The following GRM8 variants were observed in gnomAD, a reference collection of about 807,000 sequenced individuals.
GRM8 encodes the protein glutamate metabotropic receptor 8, also known as metabotropic glutamate receptor 8.
A neutral mutation model predicts 87.2 loss-of-function variants in GRM8; 47 were observed. The ratio of observed to expected loss-of-function variants is 0.54; its 90% confidence interval spans 0.43 to 0.69. GRM8 has a LOEUF of 0.69. GRM8 is among the 30% of genes least tolerant of loss of function. The pLI is 0.00. For synonymous variants in GRM8, 396 were observed against 404.5 expected (o/e 0.98, Z 0.25); for missense variants, 1,019 against 1,139.2 (o/e 0.89, Z 1.52).
At chr7:126,582,724 G>T (rs962023947) in intron 8 of GRM8, among the ~76,000 whole-genome samples, 2 of 152,082 alleles carry the variant, frequency 1.3e-5, no homozygotes, top group African/African-American at 4.8e-5. Flanking sequence ...GAAAAACCTA[G>T]GGCCCTTTAG....
At chr7:126,798,518 A>C (rs549795044) in intron 6 of GRM8, among the ~76,000 whole-genome samples, 1 of 152,142 alleles carries the variant, frequency 6.6e-6, no homozygotes, top group Non-Finnish European at 1.5e-5. Context: ...CATATCTGAG[A>C]TAATGACAGG....
Position 126,685,750 on chromosome 7 carries a change from G to A in GRM8, c.1358-76252C>T, listed in dbSNP as rs760576799. Among the ~76,000 whole-genome samples, 8 of 152,076 alleles carry A rather than the reference G, an allele frequency of 5.3e-5. No individual in the cohort carries two copies. The highest frequency in any genetic ancestry group is 4.1e-4 in the South Asian group (2 of 4,826). ...GACAGCGGGGTACTGGCCTGCAGGC[G>A]CCCCTTGGCATGAACGGTCTGGGTG... On this transcript the variant is annotated intron_variant, in intron 7 of 10. Transcript: ENST00000339582. The surrounding 1 kb of genome is among the most constrained non-coding windows in gnomAD (Gnocchi z 4.2).
At chr7:126,965,601 T>A (rs576343928) in intron 3 of GRM8, among the ~76,000 whole-genome samples, 1 of 152,238 alleles carries the variant, frequency 6.6e-6, no homozygotes, top group African/African-American at 2.4e-5. Context: ...ACCTGAAATA[T>A]CACTTTAATA....
chr7:126,533,857 G>C lies in GRM8; in HGVS notation c.1525C>G (p.His509Asp). 1.2e-6 allele frequency: 2 copies of C among 1,613,802 alleles called. No individual in the cohort carries two copies. The highest frequency in any genetic ancestry group is 1.7e-6 in the Non-Finnish European group (2 of 1,179,782). Reference sequence around the variant, plus strand: ...CTGCAGACAGACGCCGGGTGAGTATGTTCTCTATGAGCCCACTGCATGTCT... The same window carrying C: ...CTGCAGACAGACGCCGGGTGAGTATCTTCTCTATGAGCCCACTGCATGTCT... Reference protein sequence around the residue: ...VEDMQWAHREHTHPASVCSLP... With the variant: ...VEDMQWAHREDTHPASVCSLP... Residue 509 changes from histidine to aspartate, a missense_variant, in exon 9 of 11, where the codon CAT becomes GAT. Transcript: ENST00000339582.
At chr7:127,040,561 C>T (rs553055596) in intron 3 of GRM8, among the ~76,000 whole-genome samples, 1 of 149,474 alleles carries the variant, frequency 6.7e-6, no homozygotes, top group South Asian at 2.2e-4. Context: ...ATTATAGCTA[C>T]ATAAAAGATA....
intron 7 of GRM8, among the ~76,000 whole-genome samples, chr7:126,643,319 A>AAATATATATAT (rs1802666066): frequency 2.8e-5 from 1 of 36,204 alleles, no homozygotes; most frequent in African/African-American, 1.3e-4. Context: ...AAAAAAAAAA[A>AAATATATATAT]ATATATATAT....
intron 7 of GRM8, among the ~76,000 whole-genome samples, chr7:126,662,243 C>A (rs1805255509): frequency 6.6e-6 from 1 of 152,032 alleles, no homozygotes; most frequent in African/African-American, 2.4e-5. Flanking sequence ...ATGATAAAAA[C>A]TGCAATTTTT....
chr7:126,937,188 C>A (rs1396479675), intron 3 of GRM8, among the ~76,000 whole-genome samples: 1 of 152,172 alleles, frequency 6.6e-6, no homozygotes, highest in Non-Finnish European at 1.5e-5. Flanking sequence ...TCAGGTAGGG[C>A]AGGCCTGGAT....
intron 9 of GRM8, among the ~76,000 whole-genome samples, chr7:126,491,443 T>G (rs1808001114): frequency 1.3e-5 from 2 of 152,122 alleles, no homozygotes; most frequent in African/African-American, 4.8e-5. Flanking sequence ...ATAAAAACTT[T>G]ATGTGCTTTT....
At chr7:126,530,792 A>G (rs1814683056) in intron 9 of GRM8, among the ~76,000 whole-genome samples, 2 of 152,188 alleles carry the variant, frequency 1.3e-5, no homozygotes, top group South Asian at 4.1e-4. Context: ...TGAAAACTTA[A>G]ACATTCTCAA....
chr7:126,527,701 C>A (rs1814079361), intron 9 of GRM8, among the ~76,000 whole-genome samples: 1 of 152,158 alleles, frequency 6.6e-6, no homozygotes, highest in Non-Finnish European at 1.5e-5. Context: ...TATTCACATT[C>A]CAAATTATAA....
chr7:126,572,660 T>G (rs891938565), intron 8 of GRM8, among the ~76,000 whole-genome samples: 1 of 152,236 alleles, frequency 6.6e-6, no homozygotes. Context: ...GGTAACTTCC[T>G]TCCTTTGCAC....
intron 6 of GRM8, among the ~76,000 whole-genome samples, chr7:126,885,889 T>G (rs550266692): frequency 2.4e-4 from 37 of 152,202 alleles, no homozygotes; most frequent in Non-Finnish European, 4.9e-4. Context: ...CAAAGGCCAG[T>G]TTTTTTCCCC....
chr7:126,811,299 T>C (rs1160294925), intron 6 of GRM8, among the ~76,000 whole-genome samples: 1 of 152,058 alleles, frequency 6.6e-6, no homozygotes, highest in Non-Finnish European at 1.5e-5. Context: ...ATTCAGGTAA[T>C]GTGATACCTC....
intron 7 of GRM8, among the ~76,000 whole-genome samples, chr7:126,768,798 C>T (rs1818493256): frequency 6.6e-6 from 1 of 151,892 alleles, no homozygotes; most frequent in South Asian, 2.1e-4. Context: ...TATTTTCAAA[C>T]TCCTGTTAGT....
At position 126,615,835 on chromosome 7, in the gene GRM8, T is replaced by C. The variant is rs537852513; in HGVS notation, c.1358-6337A>G. Among the ~76,000 whole-genome samples, 43 of 152,298 alleles carry C rather than the reference T, an allele frequency of 2.8e-4. 2 individuals carry two copies. The East Asian group carries it at 6.4e-3, about 23-fold the overall frequency. On this transcript the variant is annotated intron_variant, in intron 7 of 10. Coordinates refer to ENST00000339582, the MANE Select transcript of GRM8 (RefSeq NM_000845.3). ...AACAAGAAGAGCTAACTATCTTAAA[T>C]ATATATGCACCCAATACAGGAGCAC...
At position 126,901,317 on chromosome 7, in the gene GRM8, CCTA is replaced by C. The variant is rs528150748; in HGVS notation, c.1156+1222_1156+1224del. 4.1e-3 allele frequency among the ~76,000 whole-genome samples: 628 copies of C among 152,304 alleles called. 3 individuals carry two copies. The highest frequency in any genetic ancestry group is 6.6e-3 in the Non-Finnish European group (452 of 68,028). On this transcript the variant is annotated intron_variant, in intron 6 of 10. Transcript: ENST00000339582. Reference sequence around the variant, plus strand: ...CACACAGTCTAATTACCTTCCTCCTCCTAATACCCAGGTTAGTCTTTCACAGTT... The same window carrying C: ...CACACAGTCTAATTACCTTCCTCCTCATACCCAGGTTAGTCTTTCACAGTT...
intron 7 of GRM8, among the ~76,000 whole-genome samples, chr7:126,769,167 C>T (rs1401654617): frequency 2.0e-5 from 3 of 152,158 alleles, no homozygotes; most frequent in African/African-American, 7.2e-5. Context: ...TGGGCAACAA[C>T]CATTGCAACT....
intron 10 of GRM8, among the ~76,000 whole-genome samples, chr7:126,444,178 T>C (rs1253303538): frequency 1.3e-5 from 2 of 152,044 alleles, no homozygotes; most frequent in African/African-American, 2.4e-5. Flanking sequence ...CAGCAGTTTA[T>C]TGGCATCCTA....
Sources: gnomAD v4.1 joint callset for allele counts (sites outside exome capture counted in the v4.1 genomes callset) on GRCh38, gnomAD v4.1.1 for gene constraint, Gnocchi (gnomAD v3.1) non-coding constraint, MANE v1.5 for transcripts, NCBI Gene and HGNC (gene_info 2026-07-23, HGNC 2026-07-21) for gene names.